The following KCNIP4 variants were observed in gnomAD, a reference collection of about 807,000 sequenced individuals.
The protein encoded by KCNIP4 is Kv channel-interacting protein 4.
Under a neutral mutation model 34.0 loss-of-function variants are expected in KCNIP4, and 12 were observed. The ratio of observed to expected loss-of-function variants is 0.35; its 90% CI spans 0.23 to 0.57. The LOEUF is 0.57. Among genes scored for constraint, KCNIP4 ranks in the 20% least tolerant of loss-of-function variants. The probability of loss-of-function intolerance (pLI) is 0.83; values close to 1 mark genes in which losing one functional copy is unlikely to be tolerated. For missense variants in KCNIP4, 238 were observed against 311.7 expected (o/e 0.76, Z 1.78); for synonymous variants, 124 against 102.2 (o/e 1.21, Z -1.29).
At chr4:21,348,545 C>T (rs2109366955) in intron 1 of KCNIP4, among the ~76,000 whole-genome samples, 1 of 152,212 alleles carries the variant, frequency 6.6e-6, no homozygotes, top group African/African-American at 2.4e-5. Flanking sequence ...AACAGTCTCC[C>T]CCTGAAGACA....
chr4:21,176,408 A>C (rs1393391413), intron 1 of KCNIP4, among the ~76,000 whole-genome samples: 3 of 152,170 alleles, frequency 2.0e-5, no homozygotes, highest in African/African-American at 4.8e-5. Flanking sequence ...AAATAAAATA[A>C]ATTGGGGCCA....
intron 1 of KCNIP4, among the ~76,000 whole-genome samples, chr4:21,615,278 C>T (rs542566946): frequency 4.0e-4 from 61 of 151,952 alleles, no homozygotes; most frequent in Non-Finnish European, 7.6e-4. Context: ...CGGTGGCTCA[C>T]GCCTGTAATC....
intron 1 of KCNIP4, among the ~76,000 whole-genome samples, chr4:21,139,294 A>G (rs6814111): frequency 0.53 from 80,288 of 152,070 alleles, 21,789 homozygotes; most frequent in African/African-American, 0.64. Context: ...GAGACAGATA[A>G]GACAAAAATA....
intron 1 of KCNIP4, among the ~76,000 whole-genome samples, chr4:21,528,239 C>G (rs1736143476): frequency 6.6e-6 from 1 of 152,086 alleles, no homozygotes; most frequent in Non-Finnish European, 1.5e-5. Context: ...CATTTAGAGA[C>G]TCACCTGTGG....
chr4:21,829,645 A>G (rs1295397897), intron 1 of KCNIP4, among the ~76,000 whole-genome samples: 3 of 152,094 alleles, frequency 2.0e-5, no homozygotes, highest in Admixed American at 6.6e-5. Context: ...AAAATGTTGT[A>G]TATAAGCTTC....
chr4:21,721,601 T>C (rs985766954), intron 1 of KCNIP4, among the ~76,000 whole-genome samples: 4 of 152,194 alleles, frequency 2.6e-5, no homozygotes, highest in Non-Finnish European at 4.4e-5. Context: ...GGGGCAAGTA[T>C]ATATCAGAGT....
chr4:21,228,703 C>T (rs570405185), intron 1 of KCNIP4, among the ~76,000 whole-genome samples: 31 of 152,286 alleles, frequency 2.0e-4, no homozygotes, highest in Middle Eastern at 3.4e-3. Flanking sequence ...TCTTCCAGTC[C>T]GGTTTTACTT....
intron 1 of KCNIP4, among the ~76,000 whole-genome samples, chr4:21,819,138 G>C (rs956132944): frequency 6.6e-6 from 1 of 152,124 alleles, no homozygotes; most frequent in Admixed American, 6.5e-5. Context: ...TATTTTCTTT[G>C]CACTGATATT....
At chr4:20,949,751 C>T (rs192363763) in intron 1 of KCNIP4, among the ~76,000 whole-genome samples, 246 of 150,838 alleles carry the variant, frequency 1.6e-3, no homozygotes, top group African/African-American at 5.8e-3. Flanking sequence ...AGTAAACTAT[C>T]GCAATAACAA....
intron 1 of KCNIP4, among the ~76,000 whole-genome samples, chr4:21,506,463 A>G (rs358555): frequency 0.018 from 2,816 of 152,324 alleles, 86 homozygotes; most frequent in African/African-American, 0.064. Flanking sequence ...TGGATTCTCA[A>G]TACTGGCAAT....
At position 20,751,538 on chromosome 4, in the gene KCNIP4, G is replaced by GA. The variant is rs34470537; in HGVS notation, c.359-1807dup. 2.6e-3 allele frequency among the ~76,000 whole-genome samples: 381 copies of GA among 147,486 alleles called. 8 individuals are homozygous for GA. The South Asian group carries it at 0.047, about 18-fold the overall frequency. On this transcript the variant is annotated intron_variant, in intron 4 of 8. Coordinates refer to ENST00000382152, the MANE Select transcript of KCNIP4 (RefSeq NM_025221.6). ...TGTGTTGAACTGATTTTCAGAGGAGGAAAAAAAAAAGAGATTTTGCATATT... is the reference window on the plus strand; with the variant it reads ...TGTGTTGAACTGATTTTCAGAGGAGGAAAAAAAAAAAGAGATTTTGCATATT...
chr4:21,178,815 C>CTTTTTTT (rs10611485), intron 1 of KCNIP4, among the ~76,000 whole-genome samples: 14 of 136,782 alleles, frequency 1.0e-4, no homozygotes, highest in Admixed American at 1.5e-4. Flanking sequence ...TAACACCAAA[C>CTTTTTTT]TTTTTTTTTT....
intron 1 of KCNIP4, among the ~76,000 whole-genome samples, chr4:21,914,316 T>G (rs1224269924): frequency 6.6e-6 from 1 of 152,104 alleles, no homozygotes; most frequent in Non-Finnish European, 1.5e-5. Flanking sequence ...ATCACACTGC[T>G]TGGATGTGTG....
intron 1 of KCNIP4, among the ~76,000 whole-genome samples, chr4:21,311,055 CTT>C (rs1713102791): frequency 6.6e-6 from 1 of 152,184 alleles, no homozygotes; most frequent in Non-Finnish European, 1.5e-5. Flanking sequence ...AGCCTTGTGA[CTT>C]TGGGCAAATT....
At position 21,530,649 on chromosome 4, in the gene KCNIP4, TTG is replaced by T. The variant is rs1199518834; in HGVS notation, c.61+417920_61+417921del. Among the ~76,000 whole-genome samples the T allele has an allele frequency of 3.3e-5, 5 of 152,310 alleles. No individual in the cohort carries two copies. In the East Asian group the frequency reaches 9.6e-4, roughly 29 times the overall value. ...TGTCTTAAAAGCTACATAGGACTCA[TTG>T]TTTAAGCTAATTCTATATCATTGGA... is the stretch of plus-strand genomic sequence containing the variant. On this transcript the variant is annotated intron_variant, in intron 1 of 8. Coordinates refer to ENST00000382152, the MANE Select transcript of KCNIP4 (RefSeq NM_025221.6).
chr4:21,150,106 G>C (rs775780557), intron 1 of KCNIP4, among the ~76,000 whole-genome samples: 1 of 152,184 alleles, frequency 6.6e-6, no homozygotes, highest in Non-Finnish European at 1.5e-5. Context: ...TCAGCAAAGA[G>C]AGGATGACTC....
At position 21,725,570 on chromosome 4, in the gene KCNIP4, T is replaced by C. The variant is rs547663826; in HGVS notation, c.61+223001A>G. Among the ~76,000 whole-genome samples, 27 of 152,302 alleles carry C rather than the reference T, an allele frequency of 1.8e-4. No individual in the cohort carries two copies. The South Asian group carries it at 5.2e-3, about 29-fold the overall frequency. ...AGCTCTGAGAGATGGAGAGGATTACTGCTTTGGAATAAGGCCCTGTAATCT... is the reference window on the plus strand; with the variant it reads ...AGCTCTGAGAGATGGAGAGGATTACCGCTTTGGAATAAGGCCCTGTAATCT... On this transcript the variant is annotated intron_variant, in intron 1 of 8. Coordinates refer to ENST00000382152, the MANE Select transcript of KCNIP4 (RefSeq NM_025221.6).
At chr4:21,831,663 CAAAA>C (rs141374886) in intron 1 of KCNIP4, among the ~76,000 whole-genome samples, 2 of 73,232 alleles carry the variant, frequency 2.7e-5, no homozygotes, top group Admixed American at 1.8e-4. Context: ...CATTTTTCAT[CAAAA>C]AAAAAAAAAA....
intron 1 of KCNIP4, among the ~76,000 whole-genome samples, chr4:21,809,960 C>T (rs1487456911): frequency 6.6e-6 from 1 of 152,126 alleles, no homozygotes; most frequent in Non-Finnish European, 1.5e-5. Context: ...ATGTAATTGC[C>T]TCCTATGCTT....
Sources: allele counts gnomAD v4.1 joint callset (sites outside exome capture counted in the v4.1 genomes callset), GRCh38; gene constraint gnomAD v4.1.1; transcripts MANE v1.5; gene names NCBI Gene and HGNC (gene_info 2026-07-23, HGNC 2026-07-21).